The following COL23A1 variants were observed in gnomAD, a reference collection of about 807,000 sequenced individuals.
The protein encoded by COL23A1 is collagen type XXIII alpha 1 chain, also known as collagen alpha-1(XXIII) chain.
A neutral mutation model predicts 99.3 loss-of-function variants in COL23A1; 97 were observed. The observed-to-expected ratio is 0.98, with a 90% CI of 0.83 to 1.16. COL23A1 has a LOEUF of 1.16. Ranked by LOEUF, COL23A1 falls within the 50% of genes most tolerant of loss-of-function variation. COL23A1 has a pLI of 0.00. For synonymous variants in COL23A1, 320 were observed against 308.2 expected (o/e 1.04, Z -0.40); for missense variants, 762 against 757.4 (o/e 1.01, Z -0.07).
intron 2 of COL23A1, among the ~76,000 whole-genome samples, chr5:178,469,575 G>T (rs1756627844): frequency 6.6e-6 from 1 of 152,076 alleles, no homozygotes; most frequent in African/African-American, 2.4e-5. Context: ...AAAGACCACA[G>T]CTGAGCACTC....
intron 16 of COL23A1, among the ~76,000 whole-genome samples, chr5:178,253,264 C>A (rs1407898153): frequency 6.6e-6 from 1 of 151,296 alleles, no homozygotes; most frequent in African/African-American, 2.4e-5. Flanking sequence ...ACCCCTGCCC[C>A]GGAAGCTCTA....
intron 2 of COL23A1, among the ~76,000 whole-genome samples, chr5:178,505,673 A>G (rs2672818): frequency 0.86 from 130,411 of 152,138 alleles, 56,230 homozygotes; most frequent in East Asian, 0.95. Flanking sequence ...TGCAGGTACC[A>G]GAAGTTAGGA....
At chr5:178,469,606 C>T (rs903259838) in intron 2 of COL23A1, among the ~76,000 whole-genome samples, 2 of 151,980 alleles carry the variant, frequency 1.3e-5, no homozygotes, top group Admixed American at 6.6e-5. Context: ...TGGGCTCCCC[C>T]GGGCAGCTGG....
In COL23A1 at chr5:178,405,107, C is replaced by T. The variant is rs571192866; in HGVS notation, c.362-98188G>A. ...GGAGCCCATCTCTACCTCCCGCATT[C>T]GCACCACAGGCCACAAACACTGGCA... On this transcript the variant is annotated intron_variant, in intron 2 of 28. Coordinates refer to ENST00000390654, the MANE Select transcript of COL23A1 (RefSeq NM_173465.4). Among the ~76,000 whole-genome samples the T allele has an allele frequency of 4.5e-4, 68 of 152,340 alleles. No individual in the cohort carries two copies. The Middle Eastern group carries it at 0.01, about 23-fold the overall frequency.
At chr5:178,511,487 T>C (rs761030966) in intron 2 of COL23A1, among the ~76,000 whole-genome samples, 24 of 152,230 alleles carry the variant, frequency 1.6e-4, no homozygotes, top group Non-Finnish European at 3.1e-4. Flanking sequence ...TGCAATGGGA[T>C]GCATGCTTGT....
chr5:178,461,446 T>C (rs2127901620), intron 2 of COL23A1, among the ~76,000 whole-genome samples: 1 of 152,364 alleles, frequency 6.6e-6, no homozygotes, highest in South Asian at 2.1e-4. Flanking sequence ...TGGGCCTGGT[T>C]AGCCACAGGG....
At chr5:178,587,473 T>TA (rs1318795680) in intron 1 of COL23A1, among the ~76,000 whole-genome samples, 1 of 152,174 alleles carries the variant, frequency 6.6e-6, no homozygotes, top group Non-Finnish European at 1.5e-5. Context: ...CCCCTGACAT[T>TA]AAAGCCATGT....
chr5:178,446,046 C>G (rs7708959), intron 2 of COL23A1, among the ~76,000 whole-genome samples: 1 of 151,852 alleles, frequency 6.6e-6, no homozygotes, highest in Non-Finnish European at 1.5e-5. Flanking sequence ...TCTTTAATTA[C>G]GTTAATTCAA....
At chr5:178,472,780 C>G (rs2127936750) in intron 2 of COL23A1, among the ~76,000 whole-genome samples, 1 of 152,220 alleles carries the variant, frequency 6.6e-6, no homozygotes, top group East Asian at 1.9e-4. Context: ...CCTCCATATC[C>G]ATGGATTCCA....
intron 2 of COL23A1, among the ~76,000 whole-genome samples, chr5:178,391,533 C>T (rs538328042): frequency 6.6e-6 from 1 of 152,288 alleles, no homozygotes; most frequent in Admixed American, 6.5e-5. Flanking sequence ...GATAAAGTAC[C>T]ACTTCACTCC....
chr5:178,488,193 T>C (rs1188830403), intron 2 of COL23A1, among the ~76,000 whole-genome samples: 3 of 152,202 alleles, frequency 2.0e-5, no homozygotes, highest in Admixed American at 2.0e-4. Context: ...CTGGGTGATC[T>C]GGTGCACTCA....
intron 2 of COL23A1, among the ~76,000 whole-genome samples, chr5:178,399,974 G>C (rs1430937603): frequency 6.6e-6 from 1 of 152,252 alleles, no homozygotes. Context: ...CTGGGGCACA[G>C]TGGAGTTGAT....
chr5:178,399,319 AG>A (rs1764312705), intron 2 of COL23A1, among the ~76,000 whole-genome samples: 1 of 152,144 alleles, frequency 6.6e-6, no homozygotes, highest in South Asian at 2.1e-4. Context: ...GGCCCCTGGG[AG>A]GGAGAGGGAG....
At chr5:178,477,348 T>C (rs145217649) in intron 2 of COL23A1, among the ~76,000 whole-genome samples, 563 of 152,288 alleles carry the variant, frequency 3.7e-3, no homozygotes, top group Middle Eastern at 0.014. Flanking sequence ...CAGAGAGGCT[T>C]GTCAGGCATG....
At chr5:178,571,865 T>C (rs377766480) in intron 1 of COL23A1, among the ~76,000 whole-genome samples, 61 of 152,140 alleles carry the variant, frequency 4.0e-4, no homozygotes, top group East Asian at 1.9e-3. Context: ...GTCAGGAGAT[T>C]GAGACCATCC....
chr5:178,261,920 T>C lies in COL23A1; in HGVS notation c.676-172A>G, dbSNP rs540134296. 1.3e-4 allele frequency among the ~76,000 whole-genome samples: 20 copies of C among 152,316 alleles called. No homozygotes were observed. In the South Asian group the frequency reaches 2.3e-3, roughly 17 times the overall value. On this transcript the variant is annotated intron_variant, in intron 10 of 28. Transcript: ENST00000390654. ...CACCCTGGGCCTGACTCCTCAAGCC[T>C]GGGACAGCTTCTGCATTAGGGCTCA...
chr5:178,538,747 A>T (rs1178691647), intron 2 of COL23A1, among the ~76,000 whole-genome samples: 1 of 152,216 alleles, frequency 6.6e-6, no homozygotes, highest in Admixed American at 6.5e-5. Flanking sequence ...AGAAATGAAA[A>T]CATATGTTCC....
At chr5:178,547,440 T>A (rs1239221412) in intron 2 of COL23A1, among the ~76,000 whole-genome samples, 5 of 150,892 alleles carry the variant, frequency 3.3e-5, no homozygotes, top group Non-Finnish European at 5.9e-5. Flanking sequence ...AATAAATCTC[T>A]TTATGCATGC....
intron 2 of COL23A1, among the ~76,000 whole-genome samples, chr5:178,394,154 G>A (rs545097308): frequency 3.9e-5 from 6 of 152,294 alleles, no homozygotes; most frequent in African/African-American, 1.4e-4. Flanking sequence ...GCAAGGAGGA[G>A]GCCCAGGGCT....
Sources: gnomAD v4.1 joint callset for allele counts (sites outside exome capture counted in the v4.1 genomes callset) on GRCh38, gnomAD v4.1.1 for gene constraint, MANE v1.5 for transcripts, NCBI Gene and HGNC (gene_info 2026-07-23, HGNC 2026-07-21) for gene names.